MYO1E: variants seen among roughly 807,000 people sequenced by gnomAD.
MYO1E encodes the protein myosin IE.
In MYO1E, 68 loss-of-function variants were observed where a neutral mutation model predicts 151.1. The ratio of observed to expected loss-of-function variants is 0.45; its 90% CI spans 0.37 to 0.55. MYO1E has a LOEUF of 0.55. Among genes scored for constraint, MYO1E ranks in the 20% least tolerant of loss-of-function variants. The probability of loss-of-function intolerance (pLI) is 0.00; values close to 1 mark genes in which losing one functional copy is unlikely to be tolerated. For missense variants in MYO1E, 1,363 were observed against 1,389.3 expected, an observed-to-expected ratio of 0.98 and a Z score of 0.30; for synonymous variants, 601 against 501.7, an observed-to-expected ratio of 1.20 and a Z score of -2.64.
chr15:59,294,896 G>A (rs2080440151), intron 1 of MYO1E, among the ~76,000 whole-genome samples: 1 of 152,102 alleles, frequency 6.6e-6, no homozygotes, highest in Admixed American at 6.5e-5. Context: ...CAAATATCCT[G>A]CATGTTCAAT....
chr15:59,307,139 T>C (rs1299030434), intron 1 of MYO1E, among the ~76,000 whole-genome samples: 3 of 152,144 alleles, frequency 2.0e-5, no homozygotes, highest in Non-Finnish European at 1.5e-5. Flanking sequence ...ATTTCCAGCT[T>C]TTATTTAACT....
chr15:59,233,635 G>A lies in MYO1E; in HGVS notation c.421-1844C>T, dbSNP rs184554887. On this transcript the variant is annotated intron_variant, in intron 5 of 27. Coordinates refer to ENST00000288235, the MANE Select transcript of MYO1E (RefSeq NM_004998.4). ...GCTGAGATCGCACCACTGCACTCCAGCCTGGCGACAGAGCGAGACTCCGTC... is the reference window on the plus strand; with the variant it reads ...GCTGAGATCGCACCACTGCACTCCAACCTGGCGACAGAGCGAGACTCCGTC... Among the ~76,000 whole-genome samples the A allele has an allele frequency of 8.8e-3, 1,191 of 134,756 alleles. 18 individuals are homozygous for A. Among genetic ancestry groups the A allele is most frequent in the African/African-American group, 0.031 (1,125 of 36,602 alleles). The allele number at this position is 134,756 out of a possible 152,430, so 88.4% of individuals were successfully genotyped here.
At chr15:59,283,296 A>AGT (rs1237499899) in intron 1 of MYO1E, among the ~76,000 whole-genome samples, 1 of 151,894 alleles carries the variant, frequency 6.6e-6, no homozygotes. Flanking sequence ...GTTTTTCCAC[A>AGT]GTGTGTGTGT....
chr15:59,251,000 T>G (rs372234642), intron 4 of MYO1E, among the ~76,000 whole-genome samples: 1 of 152,156 alleles, frequency 6.6e-6, no homozygotes, highest in East Asian at 1.9e-4. Flanking sequence ...ACCATTCCCA[T>G]CCCACTCGTT....
chr15:59,365,252 C>G (rs1274280438), intron 1 of MYO1E, among the ~76,000 whole-genome samples: 1 of 152,090 alleles, frequency 6.6e-6, no homozygotes, highest in Non-Finnish European at 1.5e-5. Flanking sequence ...CTTCTGACCT[C>G]AGGTGATCCC....
chr15:59,276,925 C>A (rs17190854), intron 1 of MYO1E, among the ~76,000 whole-genome samples: 2 of 152,156 alleles, frequency 1.3e-5, no homozygotes, highest in Non-Finnish European at 2.9e-5. Flanking sequence ...TGGCCCCACG[C>A]GGCAGCGGTT....
rs776063257 is a variant in MYO1E, at chr15:59,214,624, T to A, written c.1188+16A>T. ...CGTCACCCTCCTCAACCCCTAGTTA[T>A]TAAAACTGGCCTTACCTGGAATATT... On this transcript the variant is annotated intron_variant, in intron 11 of 27. Coordinates refer to ENST00000288235, the MANE Select transcript of MYO1E (RefSeq NM_004998.4). 6.3e-7 allele frequency: 1 copy of A among 1,590,486 alleles called. No homozygotes were observed. The highest frequency in any genetic ancestry group is 1.3e-5 in the African/African-American group (1 of 74,486).
At chr15:59,151,835 C>T (rs1174529954) in intron 26 of MYO1E, among the ~76,000 whole-genome samples, 1 of 151,962 alleles carries the variant, frequency 6.6e-6, no homozygotes, top group African/African-American at 2.4e-5. Flanking sequence ...ATCACGAGGT[C>T]AGGAGATCAA....
intron 7 of MYO1E, among the ~76,000 whole-genome samples, chr15:59,225,734 C>T (rs1347453848): frequency 6.6e-6 from 1 of 151,886 alleles, no homozygotes; most frequent in African/African-American, 2.4e-5. Flanking sequence ...GCAAGCTCCG[C>T]CTCCCAGGTT....
intron 1 of MYO1E, among the ~76,000 whole-genome samples, chr15:59,276,243 G>A (rs866586891): frequency 3.3e-5 from 5 of 152,156 alleles, no homozygotes; most frequent in South Asian, 2.1e-4. Flanking sequence ...TCTTCAGAGG[G>A]CAAAGGCATT....
At chr15:59,175,089 T>C (rs1472966375) in intron 19 of MYO1E, among the ~76,000 whole-genome samples, 1 of 152,178 alleles carries the variant, frequency 6.6e-6, no homozygotes, top group Non-Finnish European at 1.5e-5. Context: ...ATGAGCCGCA[T>C]ACTCTGTCAT....
At chr15:59,300,658 G>C (rs1229306421) in intron 1 of MYO1E, among the ~76,000 whole-genome samples, 4 of 152,060 alleles carry the variant, frequency 2.6e-5, no homozygotes, top group Admixed American at 1.3e-4. Flanking sequence ...TCGCCTTCTA[G>C]CTATAAATCT....
At chr15:59,232,530 C>T (rs2080034801) in intron 5 of MYO1E, among the ~76,000 whole-genome samples, 1 of 152,238 alleles carries the variant, frequency 6.6e-6, no homozygotes. Flanking sequence ...GTGTGCAAAA[C>T]ACACCATAGA....
At chr15:59,265,290 T>A (rs1249906247) in intron 2 of MYO1E, among the ~76,000 whole-genome samples, 2 of 152,150 alleles carry the variant, frequency 1.3e-5, no homozygotes, top group African/African-American at 4.8e-5. Context: ...AATAAAGGGC[T>A]GCCCTCAGGA....
intron 22 of MYO1E, 149 bp from the exon 23 acceptor site, chr15:59,163,452 CCAA>C (rs1437591249): frequency 2.5e-6 from 2 of 806,472 alleles, no homozygotes; most frequent in Non-Finnish European, 3.8e-6. Context: ...TCAAACAAAA[CCAA>C]CAACAATGAA....
intron 1 of MYO1E, among the ~76,000 whole-genome samples, chr15:59,303,848 T>TAAA (rs2080498188): frequency 6.6e-6 from 1 of 152,126 alleles, no homozygotes. Flanking sequence ...CTGATAAAAT[T>TAAA]AACAACAACA....
chr15:59,154,228 A>ACAGG (rs2079497861), intron 25 of MYO1E, among the ~76,000 whole-genome samples: 1 of 152,200 alleles, frequency 6.6e-6, no homozygotes. Context: ...AAGAGGGCTG[A>ACAGG]CAGGCAGCTG....
chr15:59,183,696 CTT>C (rs1465498814), intron 18 of MYO1E, among the ~76,000 whole-genome samples: 4 of 152,120 alleles, frequency 2.6e-5, no homozygotes, highest in Non-Finnish European at 5.9e-5. Flanking sequence ...CAACTATACT[CTT>C]TTAGTTGTTT....
At position 59,276,939 on chromosome 15, in the gene MYO1E, C is replaced by A. The variant is rs574834941; in HGVS notation, c.4-4490G>T. 2.6e-5 allele frequency among the ~76,000 whole-genome samples: 4 copies of A among 152,342 alleles called. No individual in the cohort carries two copies. In the East Asian group the frequency reaches 7.7e-4, roughly 29 times the overall value. On this transcript the variant is annotated intron_variant, in intron 1 of 27. Coordinates refer to ENST00000288235, the MANE Select transcript of MYO1E (RefSeq NM_004998.4). The stretch of plus-strand genomic sequence containing the variant: ...CTGGCCCCACGCGGCAGCGGTTCTG[C>A]AAACACTTCATTAGTGTCCCAGGGA...
Sources: gnomAD v4.1 joint callset for allele counts (sites outside exome capture counted in the v4.1 genomes callset) on GRCh38, gnomAD v4.1.1 for gene constraint, MANE v1.5 for transcripts, NCBI Gene and HGNC (gene_info 2026-07-23, HGNC 2026-07-21) for gene names.